Variants in C2orf66 observed in about 807,000 individuals in gnomAD.
The protein encoded by C2orf66 is chromosome 2 open reading frame 66.
In C2orf66, 6 loss-of-function variants were observed where a neutral mutation model predicts 7.0. The ratio of observed to expected loss-of-function variants is 0.86; its 90% CI spans 0.47 to 1.69. The LOEUF is 1.69. Among genes scored for constraint, C2orf66 ranks in the 40% most tolerant of loss-of-function variants. The pLI, the probability that C2orf66 is intolerant of heterozygous loss-of-function variation, is 0.01. For synonymous variants in C2orf66, 38 were observed against 43.8 expected (o/e 0.87, Z 0.52); for missense variants, 107 against 112.0 (o/e 0.96, Z 0.20).
upstream of C2orf66, among the ~76,000 whole-genome samples, chr2:196,810,594 T>A (rs764385970): frequency 6.6e-6 from 1 of 152,166 alleles, no homozygotes; most frequent in African/African-American, 2.4e-5. Flanking sequence ...TGGACTTGAG[T>A]TGTGACGTTG....
chr2:196,821,456 T>G, the C2orf66 span, among the ~76,000 whole-genome samples: 1 of 152,360 alleles, frequency 6.6e-6, no homozygotes, highest in South Asian at 2.1e-4. Flanking sequence ...TGCAGTAGAC[T>G]TAGAACCTGG....
chr2:196,809,155 C>T (rs1053443688), intron 1 of C2orf66, 59 bp downstream of exon 1: 14 of 1,509,158 alleles, frequency 9.3e-6, no homozygotes, highest in African/African-American at 2.8e-5. Flanking sequence ...ATGCTGTGTG[C>T]GTAAATCCAA....
chr2:196,809,566 A>G, upstream of C2orf66: 1 of 531,510 alleles, frequency 1.9e-6, no homozygotes, highest in Non-Finnish European at 3.4e-6. Context: ...GATAATGAGA[A>G]TGTTATACAG....
chr2:196,814,420 A>AG, the C2orf66 span, among the ~76,000 whole-genome samples: 1 of 152,010 alleles, frequency 6.6e-6, no homozygotes. Context: ...TGGGGCCTAT[A>AG]GGGGGTTGAG....
chr2:196,831,662 T>C, the C2orf66 span, among the ~76,000 whole-genome samples: 1 of 152,042 alleles, frequency 6.6e-6, no homozygotes, highest in African/African-American at 2.4e-5. Context: ...TTAATAATGG[T>C]CTTGCAAGAT....
At chr2:196,824,615 G>A in the C2orf66 span, among the ~76,000 whole-genome samples, 1 of 152,158 alleles carries the variant, frequency 6.6e-6, no homozygotes. Flanking sequence ...GATGAAGAAA[G>A]AATACAATGG....
the C2orf66 span, among the ~76,000 whole-genome samples, chr2:196,824,159 TAGAC>T: frequency 2.0e-5 from 3 of 152,204 alleles, no homozygotes; most frequent in African/African-American, 4.8e-5. Flanking sequence ...CACTATTTCT[TAGAC>T]AGGCAATCTG....
the C2orf66 span, among the ~76,000 whole-genome samples, chr2:196,825,375 G>A: frequency 6.6e-6 from 1 of 152,094 alleles, no homozygotes; most frequent in Non-Finnish European, 1.5e-5. Flanking sequence ...CACCTCACAT[G>A]TTAGAATGAC....
At chr2:196,817,234 T>C in the C2orf66 span, among the ~76,000 whole-genome samples, 2 of 147,324 alleles carry the variant, frequency 1.4e-5, no homozygotes, top group South Asian at 2.2e-4. Flanking sequence ...TATTGTCTTT[T>C]TTTTTTTTTT....
At chr2:196,821,734 A>G in the C2orf66 span, among the ~76,000 whole-genome samples, 1 of 152,180 alleles carries the variant, frequency 6.6e-6, no homozygotes, top group Admixed American at 6.5e-5. Context: ...TATTTGAAAG[A>G]AATACCATTC....
chr2:196,812,866 C>T (rs1699889601), upstream of C2orf66, among the ~76,000 whole-genome samples: 1 of 152,146 alleles, frequency 6.6e-6, no homozygotes, highest in South Asian at 2.1e-4. Context: ...TGGAATACAA[C>T]TTATAAGGGA....
chr2:196,825,451 A>T, the C2orf66 span, among the ~76,000 whole-genome samples: 1 of 152,204 alleles, frequency 6.6e-6, no homozygotes, highest in Admixed American at 6.5e-5. Context: ...AATATTCTCA[A>T]CACACACAAG....
the C2orf66 span, among the ~76,000 whole-genome samples, chr2:196,821,283 T>C: frequency 9.2e-5 from 14 of 152,196 alleles, no homozygotes; most frequent in African/African-American, 3.4e-4. Flanking sequence ...CCTTCAAAAC[T>C]GTGAGAGAAT....
chr2:196,816,885 G>A, the C2orf66 span, among the ~76,000 whole-genome samples: 18 of 152,228 alleles, frequency 1.2e-4, no homozygotes, highest in East Asian at 3.9e-4. Context: ...AGTGTTGGCC[G>A]GCTGAGAAAT....
Position 196,809,219 on chromosome 2 carries a change from C to T in C2orf66, c.118G>A (p.Asp40Asn), listed in dbSNP as rs148102643. 2.5e-6 allele frequency: 4 copies of T among 1,613,698 alleles called. No individual in the cohort carries two copies. The highest frequency in any genetic ancestry group is 2.7e-5 in the African/African-American group (2 of 74,914). The stretch of plus-strand genomic sequence containing the variant: ...GGCCCCAAGTGTGTTCTTACCAGAT[C>T]TCTGTTTCTGGGGTTGTTGAGTGGC... ...WKPLNNPRNRDLFFRRLQAYF... is the reference protein window; with the variant it reads ...WKPLNNPRNRNLFFRRLQAYF... Residue 40 changes from aspartate to asparagine, a missense_variant, in exon 1 of 3, where the codon GAT becomes AAT. Coordinates refer to ENST00000342506, the MANE Select transcript of C2orf66 (RefSeq NM_213608.3).
chr2:196,804,912 A>C lies in C2orf66; in HGVS notation c.*516T>G, dbSNP rs1230995230. The C allele has an allele frequency of 1.3e-5, 2 of 152,190 alleles. No individual in the cohort carries two copies. Among genetic ancestry groups the C allele is most frequent in the Non-Finnish European group, 2.9e-5 (2 of 68,034 alleles). 9.4% of individuals were successfully genotyped at this position (152,190 alleles called of 1,614,324 possible). ...CTTGCCCTCATTTCTTATGAAACTAAAACTGTGAAGTATTTTGGTAGTGTA... is the reference window on the plus strand; with the variant it reads ...CTTGCCCTCATTTCTTATGAAACTACAACTGTGAAGTATTTTGGTAGTGTA... On this transcript the variant is annotated 3_prime_UTR_variant, in exon 3 of 3. Transcript: ENST00000342506.
the C2orf66 span, among the ~76,000 whole-genome samples, chr2:196,817,230 CTTTT>C: frequency 8.9e-6 from 1 of 111,746 alleles, no homozygotes; most frequent in Non-Finnish European, 1.8e-5. Flanking sequence ...CAAGTATTGT[CTTTT>C]TTTTTTTTTT....
chr2:196,817,512 G>T, the C2orf66 span, among the ~76,000 whole-genome samples: 1 of 152,096 alleles, frequency 6.6e-6, no homozygotes, highest in African/African-American at 2.4e-5. Context: ...TGGGATTACA[G>T]GCTTGTGCCA....
At chr2:196,821,575 A>G in the C2orf66 span, among the ~76,000 whole-genome samples, 1 of 152,178 alleles carries the variant, frequency 6.6e-6, no homozygotes, top group African/African-American at 2.4e-5. Flanking sequence ...GGGATTTTAC[A>G]TAAGTCAAAC....
Sources: allele counts gnomAD v4.1 joint callset (sites outside exome capture counted in the v4.1 genomes callset), GRCh38; gene constraint gnomAD v4.1.1; transcripts MANE v1.5; gene names NCBI Gene and HGNC (gene_info 2026-07-23, HGNC 2026-07-21).